The following KMT2D variants were observed in gnomAD, a reference collection of about 807,000 sequenced individuals.
KMT2D encodes lysine methyltransferase 2D, also known as histone-lysine N-methyltransferase 2D.
Under a neutral mutation model 512.7 loss-of-function variants are expected in KMT2D, and 55 were observed. The observed-to-expected ratio is 0.11, with a 90% confidence interval of 0.09 to 0.13. The LOEUF is 0.13. Ranked by LOEUF, KMT2D falls within the 10% of genes least tolerant of loss-of-function variation. KMT2D has a pLI of 1.00. For missense variants in KMT2D, 6,061 were observed against 7,127.9 expected (o/e 0.85, Z 5.39); for synonymous variants, 2,995 against 2,904.0 (o/e 1.03, Z -1.01).
rs1350923038 is a variant in KMT2D at position 49,027,822 on chromosome 12, A to G, written c.14624T>C (p.Ile4875Thr). 1 of 1,576,470 alleles carries G rather than the reference A, an allele frequency of 6.3e-7. No individual in the cohort carries two copies. The highest frequency in any genetic ancestry group is 1.9e-5 in the Admixed American group (1 of 53,456). ...PGYTLKSQLD[I>T]LSLLKQESPA... ...ACCTACCTGTTTCAGGAGGCTCAAG[A>G]TGTCTAGTTGGCTCTTCAGGGTATA... Residue 4875 changes from isoleucine (I) to threonine (T), a missense_variant, in exon 48 of 55, where the codon ATC becomes ACC. Transcript: ENST00000301067.
rs1943584883 is a variant in KMT2D at position 49,042,463 on chromosome 12, G to A, written c.5867+98C>T. ...CTAACAAGGGAATGGGGAGGAGCAG[G>A]GGAAGTGCTGCAGGAGTCCGAGGGA... is the stretch of plus-strand genomic sequence containing the variant. On this transcript the variant is annotated intron_variant, in intron 28 of 54. Transcript: ENST00000301067. This position sits in a 1 kb window ranked among gnomAD's most constrained non-coding sequence, Gnocchi z 4.4. The A allele has an allele frequency of 7.9e-6, 12 of 1,524,812 alleles. No individual in the cohort carries two copies. In the East Asian group the frequency reaches 1.7e-4, roughly 22 times the overall value. 94.5% of individuals were successfully genotyped at this position (1,524,812 alleles called of 1,614,324 possible).
chr12:49,028,167 A>G, intron 46 of KMT2D, 26 bp from the exon 47 acceptor site: 1 of 1,613,720 alleles, frequency 6.2e-7, no homozygotes, highest in African/African-American at 1.3e-5. Flanking sequence ...AAGGGATGGA[A>G]GAAACATATC....
chr12:49,033,034 C>A lies in KMT2D; in HGVS notation c.11671G>T (p.Ala3891Ser). Residue 3891 changes from alanine to serine, a missense_variant, in exon 40 of 55, where the codon GCT becomes TCT. By Grantham distance (99) the Ala-to-Ser change is moderately conservative. Around this residue, in one of 16 missense-constraint regions of KMT2D, gnomAD observed 1,600 missense variants for 1,754.9 expected, o/e 0.91. Coordinates refer to ENST00000301067, the MANE Select transcript of KMT2D (RefSeq NM_003482.4). ...TGCTGTAAAGAGCCCATGGGCTGAGCGCTCAGTTTGGGCTGCCCACTGTGT... is the reference window on the plus strand; with the variant it reads ...TGCTGTAAAGAGCCCATGGGCTGAGAGCTCAGTTTGGGCTGCCCACTGTGT... ...MSHSGQPKLS[A>S]QPMGSLQQLQ... 1 of 1,551,268 alleles carries A rather than the reference C, an allele frequency of 6.4e-7. No individual in the cohort carries two copies. The highest frequency in any genetic ancestry group is 8.7e-7 in the Non-Finnish European group (1 of 1,146,886).
chr12:49,042,231 C>A lies in KMT2D; in HGVS notation c.5967G>T (p.Thr1989=), dbSNP rs199555915. The A allele has an allele frequency of 4.4e-6, 7 of 1,594,868 alleles. No individual in the cohort carries two copies. Among genetic ancestry groups the A allele is most frequent in the Non-Finnish European group, 5.1e-6 (6 of 1,171,040 alleles). Residue 1989 remains threonine, a synonymous_variant, in exon 29 of 55, where the codon ACG becomes ACT. Transcript: ENST00000301067. This position sits in a 1 kb window ranked among gnomAD's most constrained non-coding sequence, Gnocchi z 4.4. ...AGGAGAGTCCGTCGCCCTCACCCTC[C>A]GTGGTGGGGGTTGTGGGGGTGGAGG... ...TTPSTPTTPT[T]EGEGDGLSYN...
At chr12:49,058,055 G>A (rs1466281252) in intron 1 of KMT2D, among the ~76,000 whole-genome samples, 2 of 152,206 alleles carry the variant, frequency 1.3e-5, no homozygotes, top group African/African-American at 4.8e-5. Flanking sequence ...GGCTGAAGCA[G>A]GCCCTTGAGT....
chr12:49,048,217 C>G, intron 14 of KMT2D, 148 bp from the exon 15 acceptor site: 2 of 567,252 alleles, frequency 3.5e-6, no homozygotes, highest in African/African-American at 3.7e-5. Flanking sequence ...ACCAAGGGAC[C>G]CTGCTCCTTC....
rs373858319 is a variant in KMT2D at position 49,041,541 on chromosome 12, G to A, written c.6235-6C>T. 4.3e-6 allele frequency: 7 copies of A among 1,613,236 alleles called. No homozygotes were observed. The highest frequency in any genetic ancestry group is 5.1e-6 in the Non-Finnish European group (6 of 1,179,546). ...TTGATCTGGCTCTCAGCCTGCTACAGGGGGAGACCAGGCATAGGGCAGTCA... is the reference window on the plus strand; with the variant it reads ...TTGATCTGGCTCTCAGCCTGCTACAAGGGGAGACCAGGCATAGGGCAGTCA... On this transcript the variant is annotated splice_polypyrimidine_tract_variant and splice_region_variant and intron_variant, in intron 31 of 54. Coordinates refer to ENST00000301067, the MANE Select transcript of KMT2D (RefSeq NM_003482.4). The surrounding 1 kb of genome is among the most constrained non-coding windows in gnomAD (Gnocchi z 5.4).
At position 49,024,504 on chromosome 12, in the gene KMT2D, T is replaced by A; in HGVS notation, c.16052+74A>T. 6.6e-7 allele frequency: 1 copy of A among 1,520,772 alleles called. No homozygotes were observed. The highest frequency in any genetic ancestry group is 8.8e-7 in the Non-Finnish European group (1 of 1,132,620). The allele number at this position is 1,520,772 out of a possible 1,614,324, so 94.2% of individuals were successfully genotyped here. A position where few individuals can be genotyped will look rare whatever the true frequency, so the allele number is the denominator to read the frequency against. ...CGGGAACTCTGATCTGTATCCTAAATCCTCATAATGGGACCAGAGGATCCC... is the reference window on the plus strand; with the variant it reads ...CGGGAACTCTGATCTGTATCCTAAAACCTCATAATGGGACCAGAGGATCCC... On this transcript the variant is annotated intron_variant, in intron 51 of 54. Transcript: ENST00000301067. The surrounding 1 kb of genome is among the most constrained non-coding windows in gnomAD (Gnocchi z 4.5).
chr12:49,031,909 A>T lies in KMT2D; in HGVS notation c.12796T>A (p.Phe4266Ile), dbSNP rs987618664. 2 of 1,535,796 alleles carry T rather than the reference A, an allele frequency of 1.3e-6. No homozygotes were observed. Among genetic ancestry groups the T allele is most frequent in the African/African-American group, 2.8e-5 (2 of 72,280 alleles). Residue 4266 changes from phenylalanine (F) to isoleucine (I), a missense_variant, in exon 40 of 55, where the codon TTC (phenylalanine) becomes ATC (isoleucine). Coordinates refer to ENST00000301067, the MANE Select transcript of KMT2D (RefSeq NM_003482.4). Reference sequence around the variant, plus strand: ...AGGGGGCCTGTCTGTGGTCCAGGGAAGCCCCCAAGTTGAGGTTGGCAGCCC... The same window carrying T: ...AGGGGGCCTGTCTGTGGTCCAGGGATGCCCCCAAGTTGAGGTTGGCAGCCC... The part of the protein sequence containing the change: ...LLGCQPQLGG[F>I]PGPQTGPLQE...
intron 43 of KMT2D, among the ~76,000 whole-genome samples, chr12:49,029,677 GTTTTTTTTTT>G (rs33963995): frequency 1.5e-5 from 2 of 132,102 alleles, no homozygotes; most frequent in African/African-American, 5.6e-5. Flanking sequence ...TGTTTTTTTT[GTTTTTTTTTT>G]TTTTTTCCCG....
rs756129096 is a variant in KMT2D at position 49,037,842 on chromosome 12, G to A, written c.9514C>T (p.Pro3172Ser). Residue 3172 changes from proline (P) to serine (S), a missense_variant, in exon 35 of 55, where the codon CCA becomes TCA. Coordinates refer to ENST00000301067, the MANE Select transcript of KMT2D (RefSeq NM_003482.4). Reference sequence around the variant, plus strand: ...GCTGTGTGCCCACTGCTAGAAAATGGCCCTGTGCCCATCCGGGTATCCCGG... The same window carrying A: ...GCTGTGTGCCCACTGCTAGAAAATGACCCTGTGCCCATCCGGGTATCCCGG... Reference protein sequence around the residue: ...GSRDTRMGTGPFSSSGHTAEK... With the variant: ...GSRDTRMGTGSFSSSGHTAEK... 10 of 1,596,184 alleles carry A rather than the reference G, an allele frequency of 6.3e-6. No homozygotes were observed. The African/African-American group carries it at 1.2e-4, about 19-fold the overall frequency.
Position 49,049,895 on chromosome 12 carries a change from G to A in KMT2D, c.3693C>T (p.Asp1231=), listed in dbSNP as rs2120642387. The change falls in exon 12 of 55, where the codon GAC becomes GAT. Residue 1231 remains aspartate (D), a synonymous_variant. Transcript: ENST00000301067. ...TGGACAGGGAGCCACCCCCCTCCGG[G>A]TCTGGAGAGCCCAGGAGGGGCTCTG... is the stretch of plus-strand genomic sequence containing the variant. ...PGSEPLLGSP[D]PEGGGSLSME... The A allele has an allele frequency of 6.2e-7, 1 of 1,613,900 alleles. No homozygotes were observed. Among genetic ancestry groups the A allele is most frequent in the Non-Finnish European group, 8.5e-7 (1 of 1,179,880 alleles).
Position 49,034,666 on chromosome 12 carries a change from T to C in KMT2D, c.10356A>G (p.Arg3452=), listed in dbSNP as rs1472626500. ...TCTGGGCTAGCAGAGACACTTGCTG[T>C]CTGGAGTCCACCAAAGCACAGAAGA... ...GSIGVAPGMN[R]QQVSLLAQRL... Residue 3452 remains arginine (R), a splice_region_variant and synonymous_variant, in exon 37 of 55, where the codon AGA becomes AGG. Coordinates refer to ENST00000301067, the MANE Select transcript of KMT2D (RefSeq NM_003482.4). The C allele has an allele frequency of 6.2e-7, 1 of 1,612,044 alleles. No homozygotes were observed.
intron 1 of KMT2D, among the ~76,000 whole-genome samples, chr12:49,058,675 C>A (rs1037648441): frequency 6.6e-6 from 1 of 152,136 alleles, no homozygotes; most frequent in Non-Finnish European, 1.5e-5. Flanking sequence ...CACAGGCCAC[C>A]CCATTCTGCA....
Position 49,050,672 on chromosome 12 carries a change from C to T in KMT2D, c.2916G>A (p.Pro972=), listed in dbSNP as rs765148791. The change falls in exon 12 of 55, where the codon CCG becomes CCA. Residue 972 remains proline (P), a synonymous_variant. Coordinates refer to ENST00000301067, the MANE Select transcript of KMT2D (RefSeq NM_003482.4). ...GTGTCTCCAGGATGGGGGCAGCCAA[C>T]GGTGACTCAGGGTCACTGTCCCCTT... is the stretch of plus-strand genomic sequence containing the variant. ...GAKGDSDPES[P]LAAPILETPI... is the part of the protein sequence containing the mutation. 7.4e-6 allele frequency: 12 copies of T among 1,613,436 alleles called. No individual in the cohort carries two copies. The highest frequency in any genetic ancestry group is 6.7e-5 in the East Asian group (3 of 44,840).
At position 49,027,213 on chromosome 12, in the gene KMT2D, G is replaced by T; in HGVS notation, c.14753C>A (p.Pro4918His). The T allele has an allele frequency of 1.3e-6, 2 of 1,540,976 alleles. No individual in the cohort carries two copies. Among genetic ancestry groups the T allele is most frequent in the African/African-American group, 1.4e-5 (1 of 72,340 alleles). ...GGCAGGAGAAGGTGCCAAGGGGGAA[G>T]GGGGCGGGGAGGGTTCTTCAGGAGG... is the stretch of plus-strand genomic sequence containing the variant. ...APPPEEPSPP[P>H]SPLAPSPASP... Residue 4918 changes from proline to histidine, a missense_variant, in exon 49 of 55, where the codon CCT becomes CAT. Transcript: ENST00000301067.
intron 13 of KMT2D, 25 bp downstream of exon 13, chr12:49,049,080 G>C (rs2120629579): frequency 7.1e-7 from 1 of 1,418,180 alleles, no homozygotes; most frequent in Non-Finnish European, 9.9e-7. Flanking sequence ...TTGGGGGATG[G>C]GAGGAATAGG....
Position 49,054,633 on chromosome 12 carries a change from G to A in KMT2D, c.295C>T (p.Pro99Ser), listed in dbSNP as rs886049487. ...TCATTGGGCCCTGGGCTCCCCCCAG[G>A]GGACACCACTGGACACCGGGGCCAA... ...FDWPRCPVVS[P>S]GGSPGPNEAV... Residue 99 changes from proline to serine, a missense_variant, in exon 4 of 55, where the codon CCT (proline) becomes TCT (serine). By Grantham distance (74) the Pro-to-Ser change is moderately conservative. Coordinates refer to ENST00000301067, the MANE Select transcript of KMT2D (RefSeq NM_003482.4). This position sits in a 1 kb window ranked among gnomAD's most constrained non-coding sequence, Gnocchi z 6.4. 1 of 1,613,234 alleles carries A rather than the reference G, an allele frequency of 6.2e-7. No homozygotes were observed. The highest frequency in any genetic ancestry group is 2.2e-5 in the East Asian group (1 of 44,852).
chr12:49,023,099 C>T (rs1050483216), intron 51 of KMT2D, among the ~76,000 whole-genome samples: 1 of 152,084 alleles, frequency 6.6e-6, no homozygotes, highest in East Asian at 1.9e-4. Flanking sequence ...CTGGGTGGCA[C>T]AGAGAGCCCA....
Sources: allele counts gnomAD v4.1 joint callset (sites outside exome capture counted in the v4.1 genomes callset), GRCh38; gene constraint gnomAD v4.1.1; regional missense constraint gnomAD v4.1.1; non-coding constraint Gnocchi (gnomAD v3.1); transcripts MANE v1.5; gene names NCBI Gene and HGNC (gene_info 2026-07-23, HGNC 2026-07-21).